Variants in HFE observed in about 807,000 individuals in gnomAD.
The protein encoded by HFE is hereditary hemochromatosis protein.
HFE carries 36 observed loss-of-function variants against 40.9 expected under a neutral mutation model. That is an observed-to-expected ratio of 0.88 (90% CI 0.67 to 1.16). The LOEUF (loss-of-function observed/expected upper bound fraction) is 1.16. Ranked by LOEUF, HFE falls within the 50% of genes most tolerant of loss-of-function variation. The pLI is 0.00. For missense variants in HFE, 376 were observed against 432.0 expected (o/e 0.87, Z 1.15); for synonymous variants, 157 against 165.4 (o/e 0.95, Z 0.39).
At position 26,095,772 on chromosome 6, in the gene HFE, T is replaced by C. The variant is rs1763005157; in HGVS notation, c.*1546T>C. 1 of 152,248 alleles carries C rather than the reference T, an allele frequency of 6.6e-6. No homozygotes were observed. Among genetic ancestry groups the C allele is most frequent in the South Asian group, 2.1e-4 (1 of 4,834 alleles). 9.4% of individuals were successfully genotyped at this position (152,248 alleles called of 1,614,324 possible). ...TGATCCTCAGCTGTCATGTTTCCTT[T>C]AAAAGTCCCTGAAGGAAGGTCCTGG... On this transcript the variant is annotated 3_prime_UTR_variant, in exon 6 of 6. Transcript: ENST00000357618.
At chr6:26,092,060 G>C (rs1033689938) in intron 3 of HFE, among the ~76,000 whole-genome samples, 3 of 151,036 alleles carry the variant, frequency 2.0e-5, no homozygotes, top group Non-Finnish European at 4.4e-5. Flanking sequence ...TGTAGTCCCA[G>C]CTAATTGGAA....
chr6:26,093,940 G>T (rs1762898904), intron 5 of HFE, among the ~76,000 whole-genome samples: 1 of 152,120 alleles, frequency 6.6e-6, no homozygotes, highest in Non-Finnish European at 1.5e-5. Context: ...GTCATTGAAG[G>T]ATCCTAAGAA....
intron 1 of HFE, among the ~76,000 whole-genome samples, chr6:26,089,357 A>G (rs1762516067): frequency 6.6e-6 from 1 of 152,180 alleles, no homozygotes; most frequent in Non-Finnish European, 1.5e-5. Context: ...GGCTCAGAAG[A>G]GGAGCCACAA....
Position 26,093,226 on chromosome 6 carries a change from G to T in HFE, c.1000G>T (p.Gly334Cys), listed in dbSNP as rs765545512. ...ILFIILRKRQ[G>C]SRGAMGHYVL... is the part of the protein sequence containing the mutation. The stretch of plus-strand genomic sequence containing the variant: ...GTTCATAATATTAAGGAAGAGGCAG[G>T]GTTCAAGTGAGTAGGAACAAGGGGG... Residue 334 changes from glycine to cysteine, a missense_variant, in exon 5 of 6, where the codon GGT (glycine) becomes TGT (cysteine). This residue lies in a region of HFE where 173 missense variants were observed against 186.9 expected (regional missense o/e 0.93). Transcript: ENST00000357618. 1.5e-5 allele frequency: 24 copies of T among 1,608,978 alleles called. No individual in the cohort carries two copies. Among genetic ancestry groups the T allele is most frequent in the Non-Finnish European group, 2.0e-5 (24 of 1,175,470 alleles).
chr6:26,089,556 C>A (rs531246729), intron 1 of HFE, among the ~76,000 whole-genome samples: 19 of 152,204 alleles, frequency 1.2e-4, no homozygotes, highest in Admixed American at 1.2e-3. Flanking sequence ...GTGGAGTGGG[C>A]TGGGTGGGAA....
At position 26,092,944 on chromosome 6, in the gene HFE, C is replaced by T. The variant is rs201310322; in HGVS notation, c.876C>T (p.Pro292=). Reference sequence around the variant, plus strand: ...TGGAGCACCCAGGCCTGGATCAGCCCCTCATTGTGATCTGGGGTATGTGAC... The same window carrying T: ...TGGAGCACCCAGGCCTGGATCAGCCTCTCATTGTGATCTGGGGTATGTGAC... ...CQVEHPGLDQ[P]LIVIWEPSPS... is the part of the protein sequence containing the mutation. The change falls in exon 4 of 6, where the codon CCC becomes CCT. Residue 292 remains proline, a synonymous_variant. Transcript: ENST00000357618. 1.9e-6 allele frequency: 3 copies of T among 1,614,048 alleles called. No homozygotes were observed. The highest frequency in any genetic ancestry group is 2.2e-5 in the East Asian group (1 of 44,874).
Position 26,098,162 on chromosome 6 carries a change from T to C in HFE, c.*3936T>C, listed in dbSNP as rs924847199. 3 of 152,198 alleles carry C rather than the reference T, an allele frequency of 2.0e-5. No individual in the cohort carries two copies. The highest frequency in any genetic ancestry group is 4.8e-5 in the African/African-American group (2 of 41,438). 9.4% of individuals were successfully genotyped at this position (152,198 alleles called of 1,614,324 possible). On this transcript the variant is annotated 3_prime_UTR_variant, in exon 6 of 6. Transcript: ENST00000357618. ...ATTTTATTTGAAAGCCTAGGATGCG[T>C]TGACATCCTGCATGCATTTATTACT...
At position 26,094,247 on chromosome 6, in the gene HFE, T is replaced by C. The variant is rs777384584; in HGVS notation, c.*21T>C. 9.9e-6 allele frequency: 16 copies of C among 1,612,614 alleles called. No individual in the cohort carries two copies. Among genetic ancestry groups the C allele is most frequent in the Non-Finnish European group, 1.4e-5 (16 of 1,178,842 alleles). ...AGTGACACGCAGCCTGCAGACTCAC[T>C]GTGGGAAGGAGACAAAACTAGAGAC... On this transcript the variant is annotated 3_prime_UTR_variant, in exon 6 of 6. Coordinates refer to ENST00000357618, the MANE Select transcript of HFE (RefSeq NM_000410.4).
chr6:26,088,522 G>C (rs1762440222), intron 1 of HFE, among the ~76,000 whole-genome samples: 1 of 152,212 alleles, frequency 6.6e-6, no homozygotes, highest in East Asian at 1.9e-4. Context: ...GCCCTGTAGT[G>C]TAGCACAGTG....
rs1169747808 is a variant in HFE at position 26,091,304 on chromosome 6, A to T, written c.341-10A>T. On this transcript the variant is annotated splice_polypyrimidine_tract_variant and intron_variant, in intron 2 of 5. Transcript: ENST00000357618. ...TTGGTTGCAGTTAACAAGGCTGGGG[A>T]TTTTTCCAGAGTCCCACACCCTGCA... 1 of 1,613,806 alleles carries T rather than the reference A, an allele frequency of 6.2e-7. No individual in the cohort carries two copies. The highest frequency in any genetic ancestry group is 1.3e-5 in the African/African-American group (1 of 74,804).
In HFE at chr6:26,092,943, C is replaced by T; in HGVS notation, c.875C>T (p.Pro292Leu). 3.1e-6 allele frequency: 5 copies of T among 1,614,012 alleles called. No homozygotes were observed. The highest frequency in any genetic ancestry group is 4.2e-6 in the Non-Finnish European group (5 of 1,180,022). ...GTGGAGCACCCAGGCCTGGATCAGC[C>T]CCTCATTGTGATCTGGGGTATGTGA... is the stretch of plus-strand genomic sequence containing the variant. The part of the protein sequence containing the change: ...CQVEHPGLDQ[P>L]LIVIWEPSPS... Residue 292 changes from proline (P) to leucine (L), a missense_variant, in exon 4 of 6, where the codon CCC becomes CTC. By Grantham distance (98) the Pro-to-Leu change is moderately conservative. Coordinates refer to ENST00000357618, the MANE Select transcript of HFE (RefSeq NM_000410.4).
Position 26,095,775 on chromosome 6 carries a change from A to C in HFE, c.*1549A>C, listed in dbSNP as rs1435795642. On this transcript the variant is annotated 3_prime_UTR_variant, in exon 6 of 6. Transcript: ENST00000357618. ...TCCTCAGCTGTCATGTTTCCTTTAA[A>C]AGTCCCTGAAGGAAGGTCCTGGAAT... is the stretch of plus-strand genomic sequence containing the variant. The C allele has an allele frequency of 6.6e-6, 1 of 152,226 alleles. No homozygotes were observed. Among genetic ancestry groups the C allele is most frequent in the Admixed American group, 6.5e-5 (1 of 15,282 alleles). 9.4% of individuals were successfully genotyped at this position (152,226 alleles called of 1,614,324 possible). A position where few individuals can be genotyped will look rare whatever the true frequency, so the allele number is the denominator to read the frequency against.
rs553951333 is a variant in HFE, at chr6:26,088,958, G to A, written c.76+1442G>A. ...TGTTGTGAGAAGCAGAGAAGTCAGG[G>A]CAAGTCACTCTGGGGCTGACACTTG... On this transcript the variant is annotated intron_variant, in intron 1 of 5. Coordinates refer to ENST00000357618, the MANE Select transcript of HFE (RefSeq NM_000410.4). Among the ~76,000 whole-genome samples, 18 of 152,152 alleles carry A rather than the reference G, an allele frequency of 1.2e-4. No individual in the cohort carries two copies. The East Asian group carries it at 3.1e-3, about 26-fold the overall frequency.
chr6:26,089,756 T>A (rs913268991), intron 1 of HFE, among the ~76,000 whole-genome samples: 18 of 151,890 alleles, frequency 1.2e-4, no homozygotes, highest in African/African-American at 4.4e-4. Context: ...GCAAAACCCC[T>A]TCTCTACAAA....
Position 26,097,850 on chromosome 6 carries a change from C to T in HFE, c.*3624C>T, listed in dbSNP as rs949857212. 2 of 152,186 alleles carry T rather than the reference C, an allele frequency of 1.3e-5. No homozygotes were observed. Among genetic ancestry groups the T allele is most frequent in the Non-Finnish European group, 1.5e-5 (1 of 68,030 alleles). The allele number at this position is 152,186 out of a possible 1,614,324, so 9.4% of individuals were successfully genotyped here. ...TTTTATAAAACATTCTTCACAAACT[C>T]ACACACATTTAAAAACAAAACACTG... On this transcript the variant is annotated 3_prime_UTR_variant, in exon 6 of 6. Coordinates refer to ENST00000357618, the MANE Select transcript of HFE (RefSeq NM_000410.4).
chr6:26,093,176 T>G lies in HFE; in HGVS notation c.950T>G (p.Val317Gly). 2.5e-6 allele frequency: 4 copies of G among 1,614,136 alleles called. No homozygotes were observed. The highest frequency in any genetic ancestry group is 2.5e-6 in the Non-Finnish European group (3 of 1,180,010). ...IGVISGIAVF[V>G]VILFIGILFI... is the part of the protein sequence containing the mutation. ...GTCATCAGTGGAATTGCTGTTTTTG[T>G]CGTCATCTTGTTCATTGGAATTTTG... The change falls in exon 5 of 6, where the codon GTC (valine) becomes GGC (glycine). Residue 317 changes from valine (V) to glycine (G), a missense_variant. Physicochemically the swap from Val to Gly is moderately radical, Grantham distance 109. This residue lies in a region of HFE where 173 missense variants were observed against 186.9 expected (regional missense o/e 0.93). Transcript: ENST00000357618.
rs146508927 is a variant in HFE, at chr6:26,094,219, G to A, written c.1040G>A (p.Arg347His). The change falls in exon 6 of 6, where the codon CGT becomes CAT. Residue 347 changes from arginine to histidine, a missense_variant. Transcript: ENST00000357618. ...ATGGGGCACTACGTCTTAGCTGAACGTGAGTGACACGCAGCCTGCAGACTC... is the reference window on the plus strand; with the variant it reads ...ATGGGGCACTACGTCTTAGCTGAACATGAGTGACACGCAGCCTGCAGACTC... ...GAMGHYVLAE[R>H]E 32 of 1,613,950 alleles carry A rather than the reference G, an allele frequency of 2.0e-5. No individual in the cohort carries two copies. In the African/African-American group the frequency reaches 2.3e-4, roughly 11 times the overall value.
chr6:26,089,932 G>A (rs1434785559), intron 1 of HFE, among the ~76,000 whole-genome samples: 1 of 152,024 alleles, frequency 6.6e-6, no homozygotes, highest in Non-Finnish European at 1.5e-5. Flanking sequence ...TGTCTCCCCT[G>A]ACCCCCTGAA....
In HFE at chr6:26,094,139, G is replaced by A. The variant is rs1572982; in HGVS notation, c.1007-47G>A. 0.5 allele frequency: 783,036 copies of A among 1,580,402 alleles called. 198,301 individuals are homozygous for A. Among genetic ancestry groups the A allele is most frequent in the East Asian group, 0.78 (34,893 of 44,730 alleles). On this transcript the variant is annotated intron_variant, in intron 5 of 5. Coordinates refer to ENST00000357618, the MANE Select transcript of HFE (RefSeq NM_000410.4). Reference sequence around the variant, plus strand: ...TAAGGAAGAGAGAAGAGGCAAGATGGTGCCTAGGTTTGTGATGCCTCTTTC... The same window carrying A: ...TAAGGAAGAGAGAAGAGGCAAGATGATGCCTAGGTTTGTGATGCCTCTTTC...
Sources: allele counts gnomAD v4.1 joint callset (sites outside exome capture counted in the v4.1 genomes callset), GRCh38; gene constraint gnomAD v4.1.1; regional missense constraint gnomAD v4.1.1; transcripts MANE v1.5; gene names NCBI Gene and HGNC (gene_info 2026-07-23, HGNC 2026-07-21).